SIPA1L1: variants seen among roughly 807,000 people sequenced by gnomAD.
SIPA1L1 encodes signal induced proliferation associated 1 like 1.
A neutral mutation model predicts 162.7 loss-of-function variants in SIPA1L1; 26 were observed. The observed-to-expected ratio is 0.16, with a 90% CI of 0.12 to 0.22. SIPA1L1 has a LOEUF of 0.22. Among genes scored for constraint, SIPA1L1 ranks in the 10% least tolerant of loss-of-function variants. The pLI is 1.00. For synonymous variants in SIPA1L1, 829 were observed against 837.4 expected (o/e 0.99, Z 0.17); for missense variants, 1,874 against 2,241.0 (o/e 0.84, Z 3.31).
chr14:71,695,089 C>T (rs573535983), intron 13 of SIPA1L1, among the ~76,000 whole-genome samples: 7 of 152,312 alleles, frequency 4.6e-5, no homozygotes, highest in African/African-American at 7.2e-5. Flanking sequence ...CCCAGACAGG[C>T]GGCGGTGGCT....
intron 2 of SIPA1L1, among the ~76,000 whole-genome samples, chr14:71,443,659 T>C (rs2045105170): frequency 6.6e-6 from 1 of 152,230 alleles, no homozygotes; most frequent in Admixed American, 6.5e-5. Context: ...GGTAATGAGC[T>C]TGTGTTATGC....
intron 7 of SIPA1L1, among the ~76,000 whole-genome samples, chr14:71,630,953 A>G (rs1441542412): frequency 2.0e-5 from 3 of 152,016 alleles, no homozygotes; most frequent in Non-Finnish European, 4.4e-5. Context: ...TACATGTGCC[A>G]TGTTGGTTTG....
intron 2 of SIPA1L1, among the ~76,000 whole-genome samples, chr14:71,383,566 A>T (rs2040078803): frequency 6.6e-6 from 1 of 152,188 alleles, no homozygotes; most frequent in Non-Finnish European, 1.5e-5. Flanking sequence ...AAAGGGGCTT[A>T]ATTAGCTCAT....
chr14:71,596,563 A>G (rs2036055349), intron 5 of SIPA1L1, among the ~76,000 whole-genome samples: 1 of 152,180 alleles, frequency 6.6e-6, no homozygotes, highest in Non-Finnish European at 1.5e-5. Context: ...CTGCACATTT[A>G]TTCACTCATT....
intron 2 of SIPA1L1, among the ~76,000 whole-genome samples, chr14:71,501,761 G>A (rs2050234554): frequency 6.6e-6 from 1 of 152,086 alleles, no homozygotes; most frequent in African/African-American, 2.4e-5. Flanking sequence ...GTGGCCTCAT[G>A]CCTGTAATCC....
At chr14:71,663,766 C>A (rs1378868423) in intron 10 of SIPA1L1, among the ~76,000 whole-genome samples, 1 of 152,082 alleles carries the variant, frequency 6.6e-6, no homozygotes, top group Admixed American at 6.6e-5. Context: ...GAAGTCTTTG[C>A]GGGAAGTGGG....
chr14:71,447,808 A>G (rs1177692457), intron 2 of SIPA1L1, among the ~76,000 whole-genome samples: 1 of 151,956 alleles, frequency 6.6e-6, no homozygotes, highest in Non-Finnish European at 1.5e-5. Context: ...AGCTCTGGCA[A>G]TCCGCCTGCC....
intron 13 of SIPA1L1, among the ~76,000 whole-genome samples, chr14:71,697,045 T>C (rs1368946263): frequency 6.6e-6 from 1 of 152,166 alleles, no homozygotes; most frequent in African/African-American, 2.4e-5. Context: ...TTTGGTCAGA[T>C]GGTTCAAGGC....
At chr14:71,578,960 A>G (rs1297317800) in intron 4 of SIPA1L1, among the ~76,000 whole-genome samples, 2 of 152,252 alleles carry the variant, frequency 1.3e-5, no homozygotes, top group Admixed American at 1.3e-4. Context: ...AGAGAGAGGA[A>G]CTGCTCACCT....
intron 10 of SIPA1L1, among the ~76,000 whole-genome samples, chr14:71,666,351 G>A (rs74778912): frequency 0.02 from 3,106 of 152,294 alleles, 108 homozygotes; most frequent in African/African-American, 0.07. Context: ...TAGTGAGGAA[G>A]TGGAGGGGAA....
intron 2 of SIPA1L1, among the ~76,000 whole-genome samples, chr14:71,422,461 T>C (rs1272864217): frequency 6.6e-6 from 1 of 152,176 alleles, no homozygotes; most frequent in African/African-American, 2.4e-5. Flanking sequence ...TCTGTACTCA[T>C]TAAACAGTAA....
At chr14:71,485,925 C>A (rs1348302062) in intron 2 of SIPA1L1, among the ~76,000 whole-genome samples, 1 of 152,160 alleles carries the variant, frequency 6.6e-6, no homozygotes, top group Admixed American at 6.5e-5. Context: ...CATTTCCCCC[C>A]CTACATTGCC....
chr14:71,523,621 T>C (rs887437634), intron 3 of SIPA1L1, among the ~76,000 whole-genome samples: 2 of 152,202 alleles, frequency 1.3e-5, no homozygotes, highest in Non-Finnish European at 2.9e-5. Flanking sequence ...TTAGTTATGT[T>C]TCCTTATTTT....
chr14:71,395,298 A>G (rs1011746139), intron 2 of SIPA1L1, among the ~76,000 whole-genome samples: 3 of 152,150 alleles, frequency 2.0e-5, no homozygotes, highest in African/African-American at 7.2e-5. Context: ...AGTTGTACAT[A>G]GGCTCATACT....
intron 5 of SIPA1L1, among the ~76,000 whole-genome samples, chr14:71,592,217 G>A (rs1479897657): frequency 6.6e-6 from 1 of 152,046 alleles, no homozygotes; most frequent in Non-Finnish European, 1.5e-5. Context: ...GCTTTTCTTG[G>A]GCCACACAAC....
At chr14:71,657,345 CAAAAA>C (rs561713864) in intron 8 of SIPA1L1, among the ~76,000 whole-genome samples, 2 of 88,208 alleles carry the variant, frequency 2.3e-5, no homozygotes, top group Non-Finnish European at 4.8e-5. Context: ...GAGACTGTCT[CAAAAA>C]AAAAAAAAAA....
intron 2 of SIPA1L1, among the ~76,000 whole-genome samples, chr14:71,505,691 G>A (rs2050606433): frequency 6.6e-6 from 1 of 151,904 alleles, no homozygotes; most frequent in African/African-American, 2.4e-5. Flanking sequence ...TCCCAAAATT[G>A]GAAATTTGAA....
In SIPA1L1 at chr14:71,740,206, AT is replaced by A. The variant is rs1382595412; in HGVS notation, c.*1047del. On this transcript the variant is annotated 3_prime_UTR_variant, in exon 24 of 24. Transcript: ENST00000381232. ...GAATGTTTAATTGTGAATTTTAATC[AT>A]TGCTTGTTAGGAATAATGACTGTGA... The A allele has an allele frequency of 6.6e-6, 1 of 152,218 alleles. No homozygotes were observed. The highest frequency in any genetic ancestry group is 1.5e-5 in the Non-Finnish European group (1 of 68,050). The allele number at this position is 152,218 out of a possible 1,614,324, so 9.4% of individuals were successfully genotyped here. A position where few individuals can be genotyped will look rare whatever the true frequency, so the allele number is the denominator to read the frequency against.
At chr14:71,602,190 G>T (rs2036851012) in intron 5 of SIPA1L1, among the ~76,000 whole-genome samples, 1 of 151,864 alleles carries the variant, frequency 6.6e-6, no homozygotes, top group Non-Finnish European at 1.5e-5. Flanking sequence ...TTGATGTGTT[G>T]CTCATTGTTA....
Sources: allele counts gnomAD v4.1 joint callset (sites outside exome capture counted in the v4.1 genomes callset), GRCh38; gene constraint gnomAD v4.1.1; transcripts MANE v1.5; gene names NCBI Gene and HGNC (gene_info 2026-07-23, HGNC 2026-07-21).